The following KDM3B variants were observed in gnomAD, a reference collection of about 807,000 sequenced individuals.
KDM3B encodes lysine demethylase 3B, also known as lysine-specific demethylase 3B.
KDM3B carries 10 observed loss-of-function variants against 170.0 expected under a neutral mutation model. The observed-to-expected ratio is 0.06, with a 90% CI of 0.04 to 0.10. The LOEUF (loss-of-function observed/expected upper bound fraction) is 0.10. Among genes scored for constraint, KDM3B ranks in the 10% least tolerant of loss-of-function variants. The probability of loss-of-function intolerance (pLI) is 1.00; values close to 1 mark genes in which losing one functional copy is unlikely to be tolerated. For missense variants in KDM3B, 1,394 were observed against 2,195.2 expected (o/e 0.64, Z 7.29); for synonymous variants, 831 against 834.8 (o/e 1.00, Z 0.08).
In KDM3B at chr5:138,429,833, C is replaced by G. The variant is rs1299211799; in HGVS notation, c.4761C>G (p.Leu1587=). The change falls in exon 21 of 24, where the codon CTC becomes CTG. Residue 1587 remains leucine, a synonymous_variant. Coordinates refer to ENST00000314358, the MANE Select transcript of KDM3B (RefSeq NM_016604.4). ...TCATTTTGCTCTTTTCAGAGGTACT[C>G]AAGACAATTGACGAGGGAGATGCCG... The part of the protein sequence containing the change: ...IGEGAHDEEV[L]KTIDEGDADE... 28 of 1,613,788 alleles carry G rather than the reference C, an allele frequency of 1.7e-5. No individual in the cohort carries two copies. The highest frequency in any genetic ancestry group is 2.4e-5 in the Non-Finnish European group (28 of 1,179,916).
chr5:138,388,920 A>G (rs1304598505), intron 7 of KDM3B, among the ~76,000 whole-genome samples: 2 of 152,254 alleles, frequency 1.3e-5, no homozygotes, highest in African/African-American at 2.4e-5. Flanking sequence ...CTGGCTTGAC[A>G]TGAGTTTCTC....
intron 11 of KDM3B, among the ~76,000 whole-genome samples, chr5:138,405,798 TTCAA>T (rs1762803612): frequency 6.6e-6 from 1 of 152,150 alleles, no homozygotes; most frequent in African/African-American, 2.4e-5. Context: ...ATATGTAAAA[TTCAA>T]ATATATAATA....
In KDM3B at chr5:138,398,192, GA is replaced by G; in HGVS notation, c.2850del (p.Val952TyrfsTer8). 1 of 1,612,130 alleles carries G rather than the reference GA, an allele frequency of 6.2e-7. No individual in the cohort carries two copies. The highest frequency in any genetic ancestry group is 8.5e-7 in the Non-Finnish European group (1 of 1,178,804). On this transcript the variant is annotated frameshift_variant, in exon 10 of 24. Transcript: ENST00000314358. LOFTEE classifies it high-confidence loss of function. The part of the protein sequence containing the change: ...FFHFRRLIFT[R>X]KGVLRVEGFL... ...TCATGTCTCAGGTTGATCTTCACTC[GA>G]AAAGGGGTACTCCGTGTGGAGGGGT...
In KDM3B at chr5:138,379,723, TA is replaced by T. The variant is rs763915135; in HGVS notation, c.705+16del. 1.9e-6 allele frequency: 3 copies of T among 1,611,398 alleles called. No homozygotes were observed. On this transcript the variant is annotated intron_variant, in intron 5 of 23. Coordinates refer to ENST00000314358, the MANE Select transcript of KDM3B (RefSeq NM_016604.4). ...CTGTAACTGAGGTGAGACTCTGTGT[TA>T]TTCTGTCTAAGGTCCATCCATCCCC...
chr5:138,407,116 G>T (rs1762844027), intron 11 of KDM3B, among the ~76,000 whole-genome samples: 1 of 151,822 alleles, frequency 6.6e-6, no homozygotes. Context: ...CTCCCAAGTG[G>T]CTGGGATTAT....
At position 138,417,629 on chromosome 5, in the gene KDM3B, G is replaced by A; in HGVS notation, c.3435+19G>A. 1 of 1,606,692 alleles carries A rather than the reference G, an allele frequency of 6.2e-7. No homozygotes were observed. Among genetic ancestry groups the A allele is most frequent in the Middle Eastern group, 1.7e-4 (1 of 6,036 alleles). On this transcript the variant is annotated intron_variant, in intron 13 of 23. Transcript: ENST00000314358. Reference sequence around the variant, plus strand: ...GTCACAGGTAAACTGGTGTGTGTGGGTATAACTAAGTGAAGCCTAAATTTT... The same window carrying A: ...GTCACAGGTAAACTGGTGTGTGTGGATATAACTAAGTGAAGCCTAAATTTT...
intron 11 of KDM3B, among the ~76,000 whole-genome samples, chr5:138,407,960 G>A (rs1762865462): frequency 6.6e-6 from 1 of 152,208 alleles, no homozygotes; most frequent in Admixed American, 6.5e-5. Flanking sequence ...TCCATTTAAT[G>A]AAAAGCAGCC....
chr5:138,387,402 G>T lies in KDM3B; in HGVS notation c.1380+781G>T, dbSNP rs375458608. Among the ~76,000 whole-genome samples, 5 of 152,136 alleles carry T rather than the reference G, an allele frequency of 3.3e-5. No individual in the cohort carries two copies. In the South Asian group the frequency reaches 1.0e-3, roughly 32 times the overall value. Reference sequence around the variant, plus strand: ...AACTCAAGCTAAAATATGAAATACAGAGATGAAATGCTTAATGATTTTTAA... The same window carrying T: ...AACTCAAGCTAAAATATGAAATACATAGATGAAATGCTTAATGATTTTTAA... On this transcript the variant is annotated intron_variant, in intron 7 of 23. Transcript: ENST00000314358.
rs1268428406 is a variant in KDM3B at position 138,383,105 on chromosome 5, C to T, written c.780+1515C>T. On this transcript the variant is annotated intron_variant, in intron 6 of 23. Transcript: ENST00000314358. ...CTGTGAGCCAGGCTCTGCAAGTTGGCTGGATGACTTATAGGTGGGATGTTT... is the reference window on the plus strand; with the variant it reads ...CTGTGAGCCAGGCTCTGCAAGTTGGTTGGATGACTTATAGGTGGGATGTTT... 3.3e-5 allele frequency among the ~76,000 whole-genome samples: 5 copies of T among 151,680 alleles called. No homozygotes were observed. The South Asian group carries it at 6.2e-4, about 19-fold the overall frequency.
intron 11 of KDM3B, among the ~76,000 whole-genome samples, chr5:138,405,639 G>A (rs1268199013): frequency 6.6e-6 from 1 of 152,108 alleles, no homozygotes; most frequent in Non-Finnish European, 1.5e-5. Flanking sequence ...AAAATGAAAT[G>A]GAAATCAGAA....
intron 7 of KDM3B, among the ~76,000 whole-genome samples, chr5:138,389,129 C>T (rs1477180012): frequency 1.3e-5 from 2 of 152,254 alleles, no homozygotes; most frequent in Non-Finnish European, 2.9e-5. Flanking sequence ...GAAGCAACAG[C>T]AGCACCTCAG....
At chr5:138,353,108 T>A (rs989646800) in intron 1 of KDM3B, 121 bp downstream of exon 1, 5 of 838,548 alleles carry the variant, frequency 6.0e-6, no homozygotes, top group Non-Finnish European at 7.8e-6. Context: ...CCCCCGGGTC[T>A]CCTTAGCGCC....
chr5:138,359,589 G>A (rs1761547261), intron 1 of KDM3B, among the ~76,000 whole-genome samples: 1 of 151,500 alleles, frequency 6.6e-6, no homozygotes, highest in African/African-American at 2.4e-5. Flanking sequence ...TTACAGGCAT[G>A]AGCCACTGCA....
At chr5:138,399,376 A>C (rs997041831) in intron 10 of KDM3B, among the ~76,000 whole-genome samples, 6 of 151,530 alleles carry the variant, frequency 4.0e-5, no homozygotes, top group Admixed American at 3.9e-4. Context: ...CATCTCTACT[A>C]AAAATACAAA....
chr5:138,354,793 T>A (rs1761410548), intron 1 of KDM3B, among the ~76,000 whole-genome samples: 1 of 152,222 alleles, frequency 6.6e-6, no homozygotes, highest in Non-Finnish European at 1.5e-5. Flanking sequence ...TGCATAGGGC[T>A]GTGTGAATGT....
chr5:138,416,105 T>C (rs541634207), intron 12 of KDM3B, among the ~76,000 whole-genome samples: 1 of 152,184 alleles, frequency 6.6e-6, no homozygotes, highest in South Asian at 2.1e-4. Flanking sequence ...TAATAAGATA[T>C]CTTGAATCCA....
chr5:138,360,522 TTGTGTGTG>T (rs55976818), intron 1 of KDM3B, among the ~76,000 whole-genome samples: 166 of 137,962 alleles, frequency 1.2e-3, no homozygotes, highest in South Asian at 6.2e-3. Context: ...TAAAAAAAGA[TTGTGTGTG>T]TGTGTGTGTG....
chr5:138,391,303 C>G lies in KDM3B; in HGVS notation c.1671C>G (p.Phe557Leu). Residue 557 changes from phenylalanine (F) to leucine (L), a missense_variant, in exon 8 of 24, where the codon TTC (phenylalanine) becomes TTG (leucine). By Grantham distance (22) the Phe-to-Leu change is conservative. This residue lies in a region of KDM3B where 294 missense variants were observed against 311.7 expected (regional missense o/e 0.94). Coordinates refer to ENST00000314358, the MANE Select transcript of KDM3B (RefSeq NM_016604.4). This position sits in a 1 kb window ranked among gnomAD's most constrained non-coding sequence, Gnocchi z 5.0. The part of the protein sequence containing the change: ...LADDSSSRDS[F>L]KQSLESLSSG... ...ATGATTCTTCTAGTCGGGACTCATT[C>G]AAACAAAGCCTTGAGAGCCTGAGCT... 1.2e-6 allele frequency: 2 copies of G among 1,614,158 alleles called. No individual in the cohort carries two copies. Among genetic ancestry groups the G allele is most frequent in the Non-Finnish European group, 1.7e-6 (2 of 1,180,022 alleles).
At position 138,420,745 on chromosome 5, in the gene KDM3B, A is replaced by T. The variant is rs1763251519; in HGVS notation, c.3755A>T (p.His1252Leu). The change falls in exon 15 of 24, where the codon CAT becomes CTT. Residue 1252 changes from histidine (H) to leucine (L), a missense_variant. By Grantham distance (99) the His-to-Leu change is moderately conservative. Around this residue, in one of 19 missense-constraint regions of KDM3B, gnomAD observed 137 missense variants for 166.9 expected, o/e 0.82. Coordinates refer to ENST00000314358, the MANE Select transcript of KDM3B (RefSeq NM_016604.4). ...SLRSVLNKES[H>L]SPFGLDSFNS... is the part of the protein sequence containing the mutation. ...AGGTCGGTGCTCAATAAAGAGTCTCATTCACCCTTTGGGCTGGACTCGTTC... is the reference window on the plus strand; with the variant it reads ...AGGTCGGTGCTCAATAAAGAGTCTCTTTCACCCTTTGGGCTGGACTCGTTC... The T allele has an allele frequency of 1.2e-6, 2 of 1,613,958 alleles. No individual in the cohort carries two copies. The highest frequency in any genetic ancestry group is 1.3e-5 in the African/African-American group (1 of 74,898).
Sources: gnomAD v4.1 joint callset for allele counts (sites outside exome capture counted in the v4.1 genomes callset) on GRCh38, gnomAD v4.1.1 for gene constraint, gnomAD v4.1.1 regional missense constraint, Gnocchi (gnomAD v3.1) non-coding constraint, MANE v1.5 for transcripts, NCBI Gene and HGNC (gene_info 2026-07-23, HGNC 2026-07-21) for gene names.